ALK: variants seen among roughly 807,000 people sequenced by gnomAD.
ALK encodes the protein ALK tyrosine kinase receptor.
ALK carries 74 observed loss-of-function variants against 163.1 expected under a neutral mutation model. The ratio of observed to expected loss-of-function variants is 0.45; its 90% CI spans 0.38 to 0.55. The LOEUF is 0.55. Ranked by LOEUF, ALK falls within the 20% of genes least tolerant of loss-of-function variation. The pLI is 0.00. For synonymous variants in ALK, 960 were observed against 843.2 expected (o/e 1.14, Z -2.40); for missense variants, 2,063 against 2,105.3 (o/e 0.98, Z 0.39).
At chr2:29,658,624 G>A (rs2148259881) in intron 3 of ALK, among the ~76,000 whole-genome samples, 1 of 152,240 alleles carries the variant, frequency 6.6e-6, no homozygotes, top group East Asian at 1.9e-4. Flanking sequence ...GAGTTGACCT[G>A]GCTTCAGAAA....
intron 24 of ALK, among the ~76,000 whole-genome samples, chr2:29,210,348 G>A (rs1669430806): frequency 6.6e-6 from 1 of 152,208 alleles, no homozygotes; most frequent in African/African-American, 2.4e-5. Flanking sequence ...GCTGGTTTCT[G>A]CCAGTTGTTT....
chr2:29,246,548 C>T lies in ALK; in HGVS notation c.2204+4557G>A, dbSNP rs544298729. 3.9e-5 allele frequency among the ~76,000 whole-genome samples: 6 copies of T among 152,342 alleles called. No homozygotes were observed. The South Asian group carries it at 1.2e-3, about 32-fold the overall frequency. Reference sequence around the variant, plus strand: ...GAGGCCTCCTGATCAGGGCCCCTCTCGCTGCTGCCCTGGCCTTGCCTGTTC... The same window carrying T: ...GAGGCCTCCTGATCAGGGCCCCTCTTGCTGCTGCCCTGGCCTTGCCTGTTC... On this transcript the variant is annotated intron_variant, in intron 12 of 28. Transcript: ENST00000389048. The surrounding 1 kb of genome is among the most constrained non-coding windows in gnomAD (Gnocchi z 4.3).
At chr2:29,817,896 G>C (rs889345731) in intron 1 of ALK, among the ~76,000 whole-genome samples, 2 of 152,160 alleles carry the variant, frequency 1.3e-5, no homozygotes, top group African/African-American at 4.8e-5. Context: ...TGTTTAAACT[G>C]AGCTCTTAAG....
chr2:29,476,350 A>G (rs2148114731), intron 4 of ALK, among the ~76,000 whole-genome samples: 1 of 152,306 alleles, frequency 6.6e-6, no homozygotes, highest in East Asian at 1.9e-4. Context: ...AGGGACATAA[A>G]ATTACCACAA....
In ALK at chr2:29,855,861, G is replaced by T. The variant is rs191322043; in HGVS notation, c.667+64132C>A. On this transcript the variant is annotated intron_variant, in intron 1 of 28. Transcript: ENST00000389048. ...TTAGTTGTTTATTTCCCTATAATTT[G>T]CTATGTCTATAGAATCATCAAATTT... Among the ~76,000 whole-genome samples, 16 of 152,270 alleles carry T rather than the reference G, an allele frequency of 1.1e-4. 1 individual carries two copies. The East Asian group carries it at 3.1e-3, about 29-fold the overall frequency.
chr2:29,360,634 T>G (rs966936672), intron 5 of ALK, among the ~76,000 whole-genome samples: 1 of 152,136 alleles, frequency 6.6e-6, no homozygotes, highest in African/African-American at 2.4e-5. Context: ...TGGACTCTTA[T>G]CCTCAAAGAG....
At chr2:29,424,889 G>A (rs556111670) in intron 4 of ALK, among the ~76,000 whole-genome samples, 2 of 152,300 alleles carry the variant, frequency 1.3e-5, no homozygotes, top group South Asian at 2.1e-4. Context: ...ACTTTCCATT[G>A]AGGGTACCAT....
At chr2:29,757,907 T>C (rs7582421) in intron 1 of ALK, among the ~76,000 whole-genome samples, 2,648 of 151,930 alleles carry the variant, frequency 0.017, 69 homozygotes, top group African/African-American at 0.06. Flanking sequence ...TTTTGAGTAG[T>C]AGACAGACAG....
chr2:29,775,285 C>T (rs564156626), intron 1 of ALK, among the ~76,000 whole-genome samples: 2 of 152,262 alleles, frequency 1.3e-5, no homozygotes, highest in Admixed American at 1.3e-4. Flanking sequence ...TCTGAGCAAA[C>T]CATTCTTTAA....
chr2:29,465,334 C>A (rs1203094925), intron 4 of ALK, among the ~76,000 whole-genome samples: 1 of 152,154 alleles, frequency 6.6e-6, no homozygotes, highest in Non-Finnish European at 1.5e-5. Context: ...TCAACATAAA[C>A]ATCCTTTCAA....
chr2:29,528,601 C>T (rs138146196), intron 4 of ALK, among the ~76,000 whole-genome samples: 29 of 152,228 alleles, frequency 1.9e-4, no homozygotes, highest in Middle Eastern at 3.4e-3. Flanking sequence ...TTGGCTGTGT[C>T]ATCTTTGGCA....
At chr2:29,198,505 T>G (rs926903613) in intron 26 of ALK, among the ~76,000 whole-genome samples, 3 of 152,230 alleles carry the variant, frequency 2.0e-5, no homozygotes, top group Admixed American at 6.5e-5. Flanking sequence ...GATAGGATAA[T>G]CTAGTAATTC....
chr2:29,222,743 T>C (rs1343584886), intron 20 of ALK, 136 bp from the exon 21 acceptor site: 6 of 714,880 alleles, frequency 8.4e-6, no homozygotes, highest in Non-Finnish European at 1.2e-5. Flanking sequence ...TCAGGAGTAA[T>C]ACCCTCAACA....
At chr2:29,194,356 G>A (rs561240843) in intron 28 of ALK, among the ~76,000 whole-genome samples, 81 of 152,260 alleles carry the variant, frequency 5.3e-4, no homozygotes, top group African/African-American at 1.9e-3. Flanking sequence ...GGGGGGAGGA[G>A]GAGAGGAGAC....
At chr2:29,591,280 C>T (rs948067596) in intron 3 of ALK, among the ~76,000 whole-genome samples, 2 of 152,038 alleles carry the variant, frequency 1.3e-5, no homozygotes, top group Admixed American at 6.5e-5. Flanking sequence ...CTCATTCTGA[C>T]GAACTAAATT....
At chr2:29,367,504 T>C (rs1668535033) in intron 5 of ALK, among the ~76,000 whole-genome samples, 1 of 152,202 alleles carries the variant, frequency 6.6e-6, no homozygotes, top group African/African-American at 2.4e-5. Flanking sequence ...GTTTCAACAG[T>C]ACAAAATTGT....
chr2:29,446,934 T>C (rs1333318869), intron 4 of ALK, among the ~76,000 whole-genome samples: 1 of 152,192 alleles, frequency 6.6e-6, no homozygotes, highest in Non-Finnish European at 1.5e-5. Flanking sequence ...TTAATATTCT[T>C]TTCCAGTCTT....
chr2:29,592,831 T>G (rs1404079000), intron 3 of ALK, among the ~76,000 whole-genome samples: 3 of 152,096 alleles, frequency 2.0e-5, no homozygotes, highest in African/African-American at 7.2e-5. Context: ...AGGAAGGAGC[T>G]TGGAGTCCTT....
At chr2:29,558,819 T>G (rs1236827926) in intron 3 of ALK, among the ~76,000 whole-genome samples, 1 of 152,214 alleles carries the variant, frequency 6.6e-6, no homozygotes, top group Non-Finnish European at 1.5e-5. Context: ...ATTCATTCTC[T>G]GCACCATTTA....
Sources: gnomAD v4.1 joint callset for allele counts (sites outside exome capture counted in the v4.1 genomes callset) on GRCh38, gnomAD v4.1.1 for gene constraint, Gnocchi (gnomAD v3.1) non-coding constraint, MANE v1.5 for transcripts, NCBI Gene and HGNC (gene_info 2026-07-23, HGNC 2026-07-21) for gene names.